EXOC6B: variants seen among roughly 807,000 people sequenced by gnomAD.
The protein encoded by EXOC6B is exocyst complex component 6B.
A neutral mutation model predicts 113.5 loss-of-function variants in EXOC6B; 54 were observed. That is an observed-to-expected ratio of 0.48 (90% confidence interval 0.38 to 0.60). The LOEUF (loss-of-function observed/expected upper bound fraction) is 0.60, where lower values mean the gene tolerates loss of function less well. EXOC6B is among the 20% of genes least tolerant of loss of function. EXOC6B has a pLI of 0.00. For missense variants in EXOC6B, 797 were observed against 977.5 expected (o/e 0.82, Z 2.46); for synonymous variants, 357 against 339.0 (o/e 1.05, Z -0.58).
chr2:72,593,707 G>A (rs1573454147), intron 6 of EXOC6B, among the ~76,000 whole-genome samples: 1 of 148,426 alleles, frequency 6.7e-6, no homozygotes. Flanking sequence ...ATTAGATACA[G>A]ACTTTAAGGA....
intron 18 of EXOC6B, among the ~76,000 whole-genome samples, chr2:72,457,550 G>A (rs1697317091): frequency 6.6e-6 from 1 of 152,014 alleles, no homozygotes; most frequent in African/African-American, 2.4e-5. Flanking sequence ...TCTATCTTCT[G>A]GGTCTGTTAC....
At chr2:72,534,587 A>C (rs2105767056) in intron 8 of EXOC6B, among the ~76,000 whole-genome samples, 1 of 152,296 alleles carries the variant, frequency 6.6e-6, no homozygotes, top group Middle Eastern at 3.4e-3. Flanking sequence ...ACGCTTAAGA[A>C]GAAATTCTTA....
chr2:72,654,151 T>C (rs1461898002), intron 6 of EXOC6B, among the ~76,000 whole-genome samples: 3 of 152,074 alleles, frequency 2.0e-5, no homozygotes, highest in Non-Finnish European at 4.4e-5. Context: ...TTTGTGTTTT[T>C]AGTAGAGACG....
chr2:72,757,915 C>A (rs1382074815), intron 1 of EXOC6B, among the ~76,000 whole-genome samples: 1 of 152,058 alleles, frequency 6.6e-6, no homozygotes, highest in Non-Finnish European at 1.5e-5. Flanking sequence ...AATCCCAGCA[C>A]TTTGGGAGGC....
chr2:72,448,858 A>G (rs1318834086), intron 18 of EXOC6B, among the ~76,000 whole-genome samples: 3 of 152,202 alleles, frequency 2.0e-5, no homozygotes, highest in African/African-American at 4.8e-5. Flanking sequence ...CCAGTTTTGG[A>G]TGAGACACTA....
intron 16 of EXOC6B, among the ~76,000 whole-genome samples, chr2:72,490,805 C>T (rs1573242494): frequency 6.6e-6 from 1 of 152,242 alleles, no homozygotes; most frequent in East Asian, 1.9e-4. Context: ...TGAGAAGTTA[C>T]GCCTTTCTCT....
At chr2:72,323,548 C>A (rs558327354) in intron 20 of EXOC6B, among the ~76,000 whole-genome samples, 1 of 152,094 alleles carries the variant, frequency 6.6e-6, no homozygotes, top group African/African-American at 2.4e-5. Flanking sequence ...ATGTTTATTG[C>A]GGCACTATTC....
intron 8 of EXOC6B, among the ~76,000 whole-genome samples, chr2:72,542,608 G>A (rs1702665894): frequency 6.6e-6 from 1 of 152,144 alleles, no homozygotes; most frequent in African/African-American, 2.4e-5. Context: ...AAATAAATAT[G>A]AGCTCCAGCT....
intron 6 of EXOC6B, among the ~76,000 whole-genome samples, chr2:72,692,497 G>A (rs747237655): frequency 1.1e-4 from 17 of 151,772 alleles, no homozygotes; most frequent in Admixed American, 3.9e-4. Context: ...GACTACAGGC[G>A]CCCACCACCA....
intron 20 of EXOC6B, among the ~76,000 whole-genome samples, chr2:72,258,057 A>G (rs1304344850): frequency 6.6e-6 from 1 of 152,266 alleles, no homozygotes; most frequent in East Asian, 1.9e-4. Context: ...AAGTAATTTA[A>G]GGCTAAAAGC....
chr2:72,529,609 G>A (rs1325463899), intron 8 of EXOC6B, among the ~76,000 whole-genome samples: 1 of 152,078 alleles, frequency 6.6e-6, no homozygotes, highest in Non-Finnish European at 1.5e-5. Context: ...TCAGAAAGAA[G>A]TTTCTGTTTC....
chr2:72,465,406 T>C, intron 17 of EXOC6B, 67 bp from the exon 18 acceptor site: 1 of 1,242,020 alleles, frequency 8.1e-7, no homozygotes, highest in Non-Finnish European at 1.1e-6. Context: ...TCTATGAGCT[T>C]AGAGCCATCT....
At chr2:72,727,662 C>T (rs182796557) in intron 5 of EXOC6B, among the ~76,000 whole-genome samples, 19 of 152,232 alleles carry the variant, frequency 1.2e-4, no homozygotes, top group African/African-American at 4.3e-4. Flanking sequence ...TTGGGGATGA[C>T]GGTGTGTCAT....
chr2:72,370,740 T>C (rs1333191164), intron 19 of EXOC6B, among the ~76,000 whole-genome samples: 1 of 152,040 alleles, frequency 6.6e-6, no homozygotes, highest in African/African-American at 2.4e-5. Context: ...GAAACCATCA[T>C]TCTCAGCAAA....
At chr2:72,724,564 A>G (rs1680195547) in intron 5 of EXOC6B, among the ~76,000 whole-genome samples, 1 of 152,184 alleles carries the variant, frequency 6.6e-6, no homozygotes, top group Admixed American at 6.5e-5. Flanking sequence ...ATTTCTGGAC[A>G]TGAAAAGAAG....
Position 72,518,876 on chromosome 2 carries a change from A to C in EXOC6B, c.916-3750T>G, listed in dbSNP as rs141395558. Among the ~76,000 whole-genome samples, 31 of 152,310 alleles carry C rather than the reference A, an allele frequency of 2.0e-4. 1 individual carries two copies. Among genetic ancestry groups the C allele is most frequent in the Middle Eastern group, 3.4e-3 (1 of 294 alleles). Reference sequence around the variant, plus strand: ...AATTAAAATTGAAAAGATCAGTCAGAATCTGAGACGTATTTAGGAGGTTTA... The same window carrying C: ...AATTAAAATTGAAAAGATCAGTCAGCATCTGAGACGTATTTAGGAGGTTTA... On this transcript the variant is annotated intron_variant, in intron 8 of 21. Coordinates refer to ENST00000272427, the MANE Select transcript of EXOC6B (RefSeq NM_015189.3).
At chr2:72,718,340 C>T in intron 5 of EXOC6B, 33 bp from the exon 6 acceptor site, 2 of 1,590,738 alleles carry the variant, frequency 1.3e-6, no homozygotes, top group Non-Finnish European at 1.7e-6. Flanking sequence ...TTAGCTCACT[C>T]AGTTTTCTTT....
intron 20 of EXOC6B, among the ~76,000 whole-genome samples, chr2:72,197,303 G>C (rs992318120): frequency 1.3e-5 from 2 of 152,128 alleles, no homozygotes; most frequent in East Asian, 3.9e-4. Flanking sequence ...AAGTGACAGA[G>C]TCAGGACTTG....
chr2:72,753,805 T>C (rs1011158073), intron 1 of EXOC6B, among the ~76,000 whole-genome samples: 1 of 152,190 alleles, frequency 6.6e-6, no homozygotes, highest in Non-Finnish European at 1.5e-5. Context: ...TGCAATGTCC[T>C]TACCATCACT....
Sources: gnomAD v4.1 joint callset for allele counts (sites outside exome capture counted in the v4.1 genomes callset) on GRCh38, gnomAD v4.1.1 for gene constraint, MANE v1.5 for transcripts, NCBI Gene and HGNC (gene_info 2026-07-23, HGNC 2026-07-21) for gene names.